Variants in BRF1 observed in about 807,000 individuals in gnomAD.
BRF1 encodes BRF1 general transcription factor IIIB subunit, also known as transcription factor IIIB 90 kDa subunit.
A neutral mutation model predicts 81.7 loss-of-function variants in BRF1; 59 were observed. The ratio of observed to expected loss-of-function variants is 0.72; its 90% confidence interval spans 0.59 to 0.90. BRF1 has a LOEUF of 0.90. BRF1 is among the 40% of genes least tolerant of loss of function. The pLI is 0.00. For missense variants in BRF1, 1,050 were observed against 936.3 expected, an observed-to-expected ratio of 1.12 and a Z score of -1.58; for synonymous variants, 491 against 395.6, an observed-to-expected ratio of 1.24 and a Z score of -2.86.
intron 7 of BRF1, 139 bp from the exon 8 acceptor site, chr14:105,226,899 A>G: frequency 7.6e-7 from 1 of 1,314,806 alleles, no homozygotes; most frequent in Non-Finnish European, 1.0e-6. Context: ...GCTTGAGTCC[A>G]AGACTTTGAG....
chr14:105,250,204 G>A (rs753022112), intron 5 of BRF1: 4 of 1,612,974 alleles, frequency 2.5e-6, no homozygotes, highest in Middle Eastern at 3.3e-4. Context: ...TGACCAAGAG[G>A]AAGGGCCTCG....
rs953062530 is a variant in BRF1 at position 105,209,894 on chromosome 14, C to T, written c.*657G>A. 3.6e-5 allele frequency: 14 copies of T among 389,984 alleles called. No homozygotes were observed. The highest frequency in any genetic ancestry group is 7.8e-5 in the South Asian group (1 of 12,758). The allele number at this position is 389,984 out of a possible 1,614,324, so 24.2% of individuals were successfully genotyped here. A position where few individuals can be genotyped will look rare whatever the true frequency, so the allele number is the denominator to read the frequency against. ...GGTCTGACCCCCATGCTGCTCCAGG[C>T]GGTGCAGGCAGCGGGGAGGGGGGTC... On this transcript the variant is annotated 3_prime_UTR_variant, in exon 18 of 18. Coordinates refer to ENST00000547530, the MANE Select transcript of BRF1 (RefSeq NM_001519.4).
At position 105,209,602 on chromosome 14, in the gene BRF1, C is replaced by G. The variant is rs758769277; in HGVS notation, c.*949G>C. The stretch of plus-strand genomic sequence containing the variant: ...TACGAGTGGTACTGGGGCCTTCCCA[C>G]GAAGAGGCCTGGGGAGGCTCTCGGG... On this transcript the variant is annotated 3_prime_UTR_variant, in exon 18 of 18. Transcript: ENST00000547530. The G allele has an allele frequency of 7.1e-6, 5 of 702,166 alleles. No individual in the cohort carries two copies. Among genetic ancestry groups the G allele is most frequent in the African/African-American group, 5.2e-5 (3 of 57,266 alleles). The allele number at this position is 702,166 out of a possible 1,614,324, so 43.5% of individuals were successfully genotyped here. A position where few individuals can be genotyped will look rare whatever the true frequency, so the allele number is the denominator to read the frequency against.
rs775309996 is a variant in BRF1, at chr14:105,210,211, G to T, written c.*340C>A. On this transcript the variant is annotated 3_prime_UTR_variant, in exon 18 of 18. Coordinates refer to ENST00000547530, the MANE Select transcript of BRF1 (RefSeq NM_001519.4). This position sits in a 1 kb window ranked among gnomAD's most constrained non-coding sequence, Gnocchi z 4.7. Reference sequence around the variant, plus strand: ...CCCTCCACACACTTGGACCAGCAGTGGGGCTGCCCCAAGCCTGTTTCCTTA... The same window carrying T: ...CCCTCCACACACTTGGACCAGCAGTTGGGCTGCCCCAAGCCTGTTTCCTTA... The T allele has an allele frequency of 1.9e-4, 68 of 363,370 alleles. 1 individual carries two copies. Among genetic ancestry groups the T allele is most frequent in the Non-Finnish European group, 3.0e-4 (59 of 193,454 alleles). 22.5% of individuals were successfully genotyped at this position (363,370 alleles called of 1,614,324 possible). A position where few individuals can be genotyped will look rare whatever the true frequency, so the allele number is the denominator to read the frequency against.
At chr14:105,287,756 C>G (rs1268316780) in intron 1 of BRF1, among the ~76,000 whole-genome samples, 1 of 152,238 alleles carries the variant, frequency 6.6e-6, no homozygotes, top group Admixed American at 6.5e-5. Flanking sequence ...ACTAACAACA[C>G]TCTTTAAAGA....
chr14:105,250,748 T>C (rs1188711937), intron 5 of BRF1: 1 of 1,419,128 alleles, frequency 7.0e-7, no homozygotes, highest in Non-Finnish European at 9.6e-7. Flanking sequence ...CTTGACACCA[T>C]GAAAGGCTGC....
chr14:105,211,363 C>G, intron 16 of BRF1, 70 bp from the exon 17 acceptor site: 1 of 1,383,604 alleles, frequency 7.2e-7, no homozygotes, highest in South Asian at 1.5e-5. Flanking sequence ...CCCCTCAGAC[C>G]CACCAGGGCT....
intron 1 of BRF1, among the ~76,000 whole-genome samples, chr14:105,288,289 C>T (rs954058208): frequency 1.3e-5 from 2 of 151,632 alleles, no homozygotes; most frequent in Non-Finnish European, 2.9e-5. Flanking sequence ...TCTGTCTCTA[C>T]TAAAAATACA....
At chr14:105,310,031 G>A (rs1176925815) in intron 1 of BRF1, among the ~76,000 whole-genome samples, 1 of 151,554 alleles carries the variant, frequency 6.6e-6, no homozygotes, top group African/African-American at 2.4e-5. Flanking sequence ...AGATCCACCC[G>A]CCTCGGCCTC....
intron 1 of BRF1, among the ~76,000 whole-genome samples, chr14:105,293,424 C>A (rs11622165): frequency 0.24 from 36,287 of 152,104 alleles, 4,510 homozygotes; most frequent in Middle Eastern, 0.28. Flanking sequence ...TCCCCACCCC[C>A]ACAAGTTCTG....
chr14:105,212,029 T>TG, intron 16 of BRF1, 84 bp downstream of exon 16: 1 of 1,558,084 alleles, frequency 6.4e-7, no homozygotes, highest in African/African-American at 1.4e-5. Flanking sequence ...GCTCTCCCTG[T>TG]GGTCACAGAC....
chr14:105,286,306 G>A lies in BRF1; in HGVS notation c.255C>T (p.Thr85=). 1 of 1,613,280 alleles carries A rather than the reference G, an allele frequency of 6.2e-7. No homozygotes were observed. The highest frequency in any genetic ancestry group is 8.5e-7 in the Non-Finnish European group (1 of 1,179,754). The part of the protein sequence containing the change: ...VNLGKESRAQ[T]LQNGRRHIHH... ...CGCGGTGGGAAATACCATTCTGCAG[G>A]GTCTGCGCTCTCGACTCCTTCCCCA... The change falls in exon 2 of 18, where the codon ACC becomes ACT. Residue 85 remains threonine (T), a synonymous_variant. Coordinates refer to ENST00000547530, the MANE Select transcript of BRF1 (RefSeq NM_001519.4).
Position 105,300,528 on chromosome 14 carries a change from G to A in BRF1, c.102C>T (p.Asp34=). 1 of 1,537,858 alleles carries A rather than the reference G, an allele frequency of 6.5e-7. No homozygotes were observed. Among genetic ancestry groups the A allele is most frequent in the Non-Finnish European group, 8.7e-7 (1 of 1,144,710 alleles). The change falls in exon 1 of 18, where the codon GAC becomes GAT. Residue 34 remains aspartate (D), a synonymous_variant. Coordinates refer to ENST00000547530, the MANE Select transcript of BRF1 (RefSeq NM_001519.4). Reference sequence around the variant, plus strand: ...ACTGCACCTCGGACACGATGATGTTGTCCTCCAGCACTGAGCCGCAGGCGG... The same window carrying A: ...ACTGCACCTCGGACACGATGATGTTATCCTCCAGCACTGAGCCGCAGGCGG... The part of the protein sequence containing the change: ...VCTACGSVLE[D]NIIVSEVQFV...
At chr14:105,253,258 G>A (rs766310245) in intron 4 of BRF1, among the ~76,000 whole-genome samples, 21 of 152,228 alleles carry the variant, frequency 1.4e-4, no homozygotes, top group Non-Finnish European at 2.8e-4. Flanking sequence ...CCCCTAAGGA[G>A]CCCTGCTGGC....
chr14:105,244,046 T>C (rs1003481789), intron 5 of BRF1, among the ~76,000 whole-genome samples: 2 of 151,748 alleles, frequency 1.3e-5, no homozygotes, highest in Admixed American at 6.6e-5. Flanking sequence ...GAGTGGCTCA[T>C]ACCTACATTC....
At chr14:105,301,839 C>T (rs2058040552), upstream of BRF1, among the ~76,000 whole-genome samples, 3 of 152,140 alleles carry the variant, frequency 2.0e-5, no homozygotes, top group South Asian at 6.2e-4. Context: ...AGGAATGAGC[C>T]TAAAAAGAAA....
At chr14:105,280,374 G>C (rs913298072) in intron 2 of BRF1, among the ~76,000 whole-genome samples, 14 of 152,230 alleles carry the variant, frequency 9.2e-5, no homozygotes, top group African/African-American at 3.4e-4. Context: ...GGCTGGGGAA[G>C]GAGGGATGAA....
intron 1 of BRF1, among the ~76,000 whole-genome samples, chr14:105,306,665 G>A (rs587693758): frequency 6.6e-6 from 1 of 151,854 alleles, no homozygotes; most frequent in South Asian, 2.1e-4. Context: ...TAGTGCAATG[G>A]CACGATCTTG....
At chr14:105,261,792 G>A (rs1010058681) in intron 3 of BRF1, among the ~76,000 whole-genome samples, 4 of 152,246 alleles carry the variant, frequency 2.6e-5, no homozygotes, top group African/African-American at 9.6e-5. Flanking sequence ...AGCATTCCCG[G>A]CCCCATGGGA....
Sources: gnomAD v4.1 joint callset for allele counts (sites outside exome capture counted in the v4.1 genomes callset) on GRCh38, gnomAD v4.1.1 for gene constraint, Gnocchi (gnomAD v3.1) non-coding constraint, MANE v1.5 for transcripts, NCBI Gene and HGNC (gene_info 2026-07-23, HGNC 2026-07-21) for gene names.